The following SBF2 variants were observed in gnomAD, a reference collection of about 807,000 sequenced individuals.
The protein encoded by SBF2 is SET binding factor 2, also known as myotubularin-related protein 13.
In SBF2, 112 loss-of-function variants were observed where a neutral mutation model predicts 225.2. That is an observed-to-expected ratio of 0.50 (90% CI 0.43 to 0.58). SBF2 has a LOEUF of 0.58. Among genes scored for constraint, SBF2 ranks in the 20% least tolerant of loss-of-function variants. SBF2 has a pLI of 0.00. For missense variants in SBF2, 1,996 were observed against 2,206.2 expected, an observed-to-expected ratio of 0.90 and a Z score of 1.91; for synonymous variants, 763 against 773.3, an observed-to-expected ratio of 0.99 and a Z score of 0.22.
chr11:10,077,509 C>A (rs1203314893), intron 2 of SBF2, among the ~76,000 whole-genome samples: 1 of 152,200 alleles, frequency 6.6e-6, no homozygotes, highest in African/African-American at 2.4e-5. Flanking sequence ...TCATCTTTGA[C>A]AAGCCTGACA....
chr11:9,944,819 T>C (rs1865471633), intron 16 of SBF2, among the ~76,000 whole-genome samples: 1 of 152,156 alleles, frequency 6.6e-6, no homozygotes, highest in African/African-American at 2.4e-5. Context: ...CTAGAATTCA[T>C]GTGGTGCCAG....
chr11:9,781,968 T>G (rs938468252), intron 38 of SBF2, among the ~76,000 whole-genome samples: 1 of 152,074 alleles, frequency 6.6e-6, no homozygotes, highest in African/African-American at 2.4e-5. Flanking sequence ...ACGGATCACT[T>G]AAGCCCAGGA....
At chr11:10,277,197 A>C (rs1036413404) in intron 1 of SBF2, among the ~76,000 whole-genome samples, 1 of 151,754 alleles carries the variant, frequency 6.6e-6, no homozygotes, top group Admixed American at 6.6e-5. Context: ...AGGCGGGCAG[A>C]TCGCTTGAGC....
chr11:10,104,062 G>A lies in SBF2; in HGVS notation c.142-61081C>T, dbSNP rs149617503. ...TGCACCACTGTACTCCATCCATCTG[G>A]GGCAAAAGAGTGAGACCCTGTCTCA... On this transcript the variant is annotated intron_variant, in intron 2 of 39. Transcript: ENST00000256190. Among the ~76,000 whole-genome samples the A allele has an allele frequency of 2.6e-5, 4 of 151,680 alleles. No homozygotes were observed. In the East Asian group the frequency reaches 7.8e-4, roughly 29 times the overall value.
intron 2 of SBF2, among the ~76,000 whole-genome samples, chr11:10,164,274 T>G (rs1400841001): frequency 6.6e-6 from 1 of 152,170 alleles, no homozygotes; most frequent in South Asian, 2.1e-4. Context: ...CATCATAATT[T>G]TGTAGGACAT....
In SBF2 at chr11:9,968,432, T is replaced by C. The variant is rs143773975; in HGVS notation, c.1509A>G (p.Glu503=). The C allele has an allele frequency of 3.4e-4, 556 of 1,614,146 alleles. No individual in the cohort carries two copies. Among genetic ancestry groups the C allele is most frequent in the Non-Finnish European group, 4.4e-4 (514 of 1,180,010 alleles). Residue 503 remains glutamate, a synonymous_variant, in exon 14 of 40, where the codon GAA becomes GAG. Coordinates refer to ENST00000256190, the MANE Select transcript of SBF2 (RefSeq NM_030962.4). The part of the protein sequence containing the change: ...FPEINEARVQ[E]LIQENVAKNQ... Reference sequence around the variant, plus strand: ...TCTTAGCAACATTTTCCTGTATTAATTCCTGAACCCGGGCTTCATTAATCT... The same window carrying C: ...TCTTAGCAACATTTTCCTGTATTAACTCCTGAACCCGGGCTTCATTAATCT...
In SBF2 at chr11:9,868,366, A is replaced by AAAAAAAAG. The variant is rs1554933292; in HGVS notation, c.1930-9971_1930-9970insCTTTTTTT. On this transcript the variant is annotated intron_variant, in intron 17 of 39. Coordinates refer to ENST00000256190, the MANE Select transcript of SBF2 (RefSeq NM_030962.4). ...AAAAAAAAAAAAAAAAAAAAAAAAA[A>AAAAAAAAG]AATTAGGCGGGTGTGGTGGCGGGCG... is the stretch of plus-strand genomic sequence containing the variant. Among the ~76,000 whole-genome samples, 61 of 114,924 alleles carry AAAAAAAAG rather than the reference A, an allele frequency of 5.3e-4. 1 individual carries two copies. Among genetic ancestry groups the AAAAAAAAG allele is most frequent in the African/African-American group, 1.3e-3 (36 of 28,102 alleles). 75.4% of individuals were successfully genotyped at this position (114,924 alleles called of 152,430 possible).
intron 8 of SBF2, among the ~76,000 whole-genome samples, chr11:9,999,279 C>CTGTA (rs3073236): frequency 0.029 from 4,318 of 146,808 alleles, 80 homozygotes; most frequent in African/African-American, 0.041. Flanking sequence ...CCTCCAGTGA[C>CTGTA]TGTATGTATG....
At chr11:9,920,403 A>G (rs1446402541) in intron 16 of SBF2, among the ~76,000 whole-genome samples, 1 of 152,152 alleles carries the variant, frequency 6.6e-6, no homozygotes, top group Non-Finnish European at 1.5e-5. Context: ...CTTTGTGTGT[A>G]GTTTATGAGA....
chr11:10,069,389 T>A (rs1442835918), intron 2 of SBF2, among the ~76,000 whole-genome samples: 1 of 141,046 alleles, frequency 7.1e-6, no homozygotes, highest in Admixed American at 7.9e-5. Context: ...AATTCCCACC[T>A]ATGAGTGAGA....
chr11:10,039,864 G>A (rs1949585890), intron 3 of SBF2, among the ~76,000 whole-genome samples: 1 of 151,720 alleles, frequency 6.6e-6, no homozygotes, highest in Non-Finnish European at 1.5e-5. Flanking sequence ...AGTGGTGCAC[G>A]CTGGTCAAAT....
chr11:9,850,229 A>T lies in SBF2; in HGVS notation c.2611-11T>A. ...TCTAAGAATCTTGGGCTTACAACAG[A>T]AAAAGATTGATTGATTGATTGATTG... is the stretch of plus-strand genomic sequence containing the variant. On this transcript the variant is annotated splice_polypyrimidine_tract_variant and intron_variant, in intron 21 of 39. Transcript: ENST00000256190. 6.2e-7 allele frequency: 1 copy of T among 1,611,070 alleles called. No homozygotes were observed. The highest frequency in any genetic ancestry group is 8.5e-7 in the Non-Finnish European group (1 of 1,178,712).
At chr11:10,118,204 A>G (rs1295363952) in intron 2 of SBF2, among the ~76,000 whole-genome samples, 2 of 152,232 alleles carry the variant, frequency 1.3e-5, no homozygotes, top group Non-Finnish European at 2.9e-5. Flanking sequence ...AAACATCAGC[A>G]AATTGAGTTC....
chr11:9,857,234 G>A (rs987840532), intron 18 of SBF2, among the ~76,000 whole-genome samples: 3 of 152,194 alleles, frequency 2.0e-5, no homozygotes, highest in Non-Finnish European at 4.4e-5. Context: ...ACAAACCTCA[G>A]GAAGCAGCAG....
chr11:10,025,638 C>T (rs546541162), intron 6 of SBF2, among the ~76,000 whole-genome samples: 33 of 152,232 alleles, frequency 2.2e-4, no homozygotes, highest in African/African-American at 3.9e-4. Context: ...TTCACTCTGT[C>T]GCCCAGGCTG....
intron 28 of SBF2, among the ~76,000 whole-genome samples, chr11:9,821,641 C>A (rs1270148785): frequency 1.3e-5 from 2 of 152,206 alleles, no homozygotes; most frequent in African/African-American, 4.8e-5. Flanking sequence ...GCTGCAGGAT[C>A]CTCCTTAGTG....
intron 5 of SBF2, among the ~76,000 whole-genome samples, chr11:10,029,007 TAGAAG>T (rs1238829177): frequency 1.3e-5 from 2 of 151,668 alleles, no homozygotes; most frequent in Admixed American, 6.6e-5. Context: ...ATGAGAAAGA[TAGAAG>T]AGAAGTAAAA....
At chr11:9,849,518 T>A (rs1856777469) in intron 22 of SBF2, among the ~76,000 whole-genome samples, 1 of 152,120 alleles carries the variant, frequency 6.6e-6, no homozygotes, top group African/African-American at 2.4e-5. Context: ...TTATAGGAGT[T>A]TGGCAAGTAG....
At chr11:10,259,915 T>A (rs1233045246) in intron 1 of SBF2, among the ~76,000 whole-genome samples, 1 of 152,072 alleles carries the variant, frequency 6.6e-6, no homozygotes, top group African/African-American at 2.4e-5. Context: ...CAATTTCAAA[T>A]CCAAAAACAA....
Sources: allele counts gnomAD v4.1 joint callset (sites outside exome capture counted in the v4.1 genomes callset), GRCh38; gene constraint gnomAD v4.1.1; transcripts MANE v1.5; gene names NCBI Gene and HGNC (gene_info 2026-07-23, HGNC 2026-07-21).